MRPS9: variants seen among roughly 807,000 people sequenced by gnomAD.
MRPS9 encodes mitochondrial ribosomal protein S9.
In MRPS9, 45 loss-of-function variants were observed where a neutral mutation model predicts 59.9. The observed-to-expected ratio is 0.75, with a 90% CI of 0.59 to 0.96. MRPS9 has a LOEUF of 0.96. Among genes scored for constraint, MRPS9 ranks in the 40% least tolerant of loss-of-function variants. MRPS9 has a pLI of 0.00. For missense variants in MRPS9, 473 were observed against 481.1 expected, an observed-to-expected ratio of 0.98 and a Z score of 0.16; for synonymous variants, 171 against 166.8, an observed-to-expected ratio of 1.03 and a Z score of -0.19.
intron 4 of MRPS9, 121 bp from the exon 5 acceptor site, chr2:105,079,840 TATTAAAATTCTAAATGTTGGTG>T: frequency 2.1e-6 from 1 of 469,752 alleles, no homozygotes; most frequent in Non-Finnish European, 3.8e-6. Context: ...CTAAACTAAA[TATTAAAATTCTAAATGTTGGTG>T]ATTTTTTTGT....
intron 2 of MRPS9, among the ~76,000 whole-genome samples, chr2:105,066,237 C>T (rs1242973675): frequency 6.6e-6 from 1 of 152,114 alleles, no homozygotes; most frequent in Non-Finnish European, 1.5e-5. Flanking sequence ...ATCTTTTGCT[C>T]TGTGGACCTT....
chr2:105,099,830 A>G lies in MRPS9; in HGVS notation c.*69A>G. On this transcript the variant is annotated 3_prime_UTR_variant, in exon 11 of 11. Transcript: ENST00000258455. ...CCGACATGTGGCAGACACACAGTAA[A>G]TAATGGCTGACCAGCATGAGGGCAG... The G allele has an allele frequency of 7.0e-7, 1 of 1,429,214 alleles. No individual in the cohort carries two copies. Among genetic ancestry groups the G allele is most frequent in the East Asian group, 2.3e-5 (1 of 43,172 alleles). The allele number at this position is 1,429,214 out of a possible 1,614,324, so 88.5% of individuals were successfully genotyped here.
chr2:105,051,658 T>C (rs1350495283), intron 2 of MRPS9, among the ~76,000 whole-genome samples: 1 of 152,202 alleles, frequency 6.6e-6, no homozygotes, highest in Non-Finnish European at 1.5e-5. Flanking sequence ...AGTTAAGTCT[T>C]CTGATCTCTG....
At chr2:105,062,692 A>G (rs1260973652) in intron 2 of MRPS9, among the ~76,000 whole-genome samples, 4 of 152,236 alleles carry the variant, frequency 2.6e-5, no homozygotes, top group African/African-American at 9.6e-5. Context: ...GAGTTGCATG[A>G]TTAAAATTAA....
chr2:105,092,531 A>G lies in MRPS9; in HGVS notation c.782A>G (p.Gln261Arg), dbSNP rs373106870. 5.0e-6 allele frequency: 8 copies of G among 1,609,100 alleles called. No individual in the cohort carries two copies. Among genetic ancestry groups the G allele is most frequent in the African/African-American group, 1.3e-5 (1 of 74,800 alleles). Reference protein sequence around the residue: ...ESKKQLIEPVQYDEQGMAFSK... With the variant: ...ESKKQLIEPVRYDEQGMAFSK... Reference sequence around the variant, plus strand: ...AAAAAACAGCTGATTGAACCTGTACAGTATGATGAGCAAGGAATGGCCTTT... The same window carrying G: ...AAAAAACAGCTGATTGAACCTGTACGGTATGATGAGCAAGGAATGGCCTTT... Residue 261 changes from glutamine to arginine, a missense_variant, in exon 8 of 11, where the codon CAG (glutamine) becomes CGG (arginine). Coordinates refer to ENST00000258455, the MANE Select transcript of MRPS9 (RefSeq NM_182640.3).
chr2:105,049,343 A>T lies in MRPS9; in HGVS notation c.308A>T (p.Asp103Val), dbSNP rs536369726. Residue 103 changes from aspartate (D) to valine (V), a missense_variant, in exon 2 of 11, where the codon GAT (aspartate) becomes GTT (valine). Transcript: ENST00000258455. ...GEDPETFTQE[D>V]IDRAIAYLFP... ...GATCCAGAAACTTTCACTCAAGAAG[A>T]TATTGACGTAAGTACAGTTACTCTG... 2 of 1,609,710 alleles carry T rather than the reference A, an allele frequency of 1.2e-6. No homozygotes were observed. Among genetic ancestry groups the T allele is most frequent in the South Asian group, 2.2e-5 (2 of 90,110 alleles).
chr2:105,088,925 A>G, intron 5 of MRPS9, 59 bp from the exon 6 acceptor site: 1 of 1,162,750 alleles, frequency 8.6e-7, no homozygotes, highest in Non-Finnish European at 1.2e-6. Context: ...ATATATCAGA[A>G]GTTATAATGT....
intron 2 of MRPS9, among the ~76,000 whole-genome samples, chr2:105,059,360 G>A (rs1463055643): frequency 6.6e-6 from 1 of 152,140 alleles, no homozygotes; most frequent in African/African-American, 2.4e-5. Context: ...TAGTTGAGCT[G>A]TATGGACGTG....
intron 4 of MRPS9, among the ~76,000 whole-genome samples, chr2:105,076,885 G>T (rs779299084): frequency 1.5e-5 from 2 of 130,950 alleles, no homozygotes; most frequent in South Asian, 5.3e-4. Flanking sequence ...ATGAGCAAAG[G>T]CAAATAAGCA....
At chr2:105,078,466 G>A (rs566282656) in intron 4 of MRPS9, among the ~76,000 whole-genome samples, 4 of 151,784 alleles carry the variant, frequency 2.6e-5, no homozygotes, top group African/African-American at 4.8e-5. Flanking sequence ...ACTTTCTGAC[G>A]GACTAACCAT....
chr2:105,076,448 C>T (rs76435784), intron 4 of MRPS9, among the ~76,000 whole-genome samples: 6,016 of 152,262 alleles, frequency 0.04, 423 homozygotes, highest in African/African-American at 0.14. Flanking sequence ...GTTTTAAAAA[C>T]GCTGAATTCC....
At chr2:105,078,825 A>G (rs1279101057) in intron 4 of MRPS9, among the ~76,000 whole-genome samples, 1 of 152,216 alleles carries the variant, frequency 6.6e-6, no homozygotes, top group Non-Finnish European at 1.5e-5. Flanking sequence ...GATAGATTAA[A>G]TATTTGAACA....
chr2:105,079,636 G>A (rs892060884), intron 4 of MRPS9, among the ~76,000 whole-genome samples: 4 of 151,988 alleles, frequency 2.6e-5, no homozygotes, highest in African/African-American at 9.7e-5. Context: ...AATATGGGAG[G>A]GAGTTATGTT....
intron 5 of MRPS9, among the ~76,000 whole-genome samples, chr2:105,084,502 A>G (rs536649721): frequency 1.3e-5 from 2 of 152,250 alleles, no homozygotes; most frequent in East Asian, 3.9e-4. Context: ...CCAGACTCTT[A>G]GCAGAAGTCC....
chr2:105,063,169 CT>C (rs1414915682), intron 2 of MRPS9, among the ~76,000 whole-genome samples: 1 of 152,186 alleles, frequency 6.6e-6, no homozygotes, highest in African/African-American at 2.4e-5. Context: ...CCTTGGGCGT[CT>C]GAGGCAGGAG....
chr2:105,047,743 T>C (rs1312394481), intron 1 of MRPS9, among the ~76,000 whole-genome samples: 1 of 152,030 alleles, frequency 6.6e-6, no homozygotes, highest in Non-Finnish European at 1.5e-5. Context: ...TGAAAACATT[T>C]TTCTCGTTTT....
intron 2 of MRPS9, among the ~76,000 whole-genome samples, chr2:105,056,432 T>C (rs1249754859): frequency 6.6e-6 from 1 of 152,190 alleles, no homozygotes; most frequent in African/African-American, 2.4e-5. Context: ...TCAGCTATGC[T>C]GTATTACTGA....
intron 9 of MRPS9, among the ~76,000 whole-genome samples, chr2:105,096,253 A>T (rs1680656533): frequency 6.6e-6 from 1 of 152,136 alleles, no homozygotes; most frequent in Non-Finnish European, 1.5e-5. Flanking sequence ...CTCTCAGCTT[A>T]ACTGTGTTAT....
At chr2:105,090,386 G>A (rs2104467827) in intron 7 of MRPS9, among the ~76,000 whole-genome samples, 1 of 152,358 alleles carries the variant, frequency 6.6e-6, no homozygotes, top group East Asian at 1.9e-4. Context: ...AAGGGATGCA[G>A]CACATGGTTA....
Sources: gnomAD v4.1 joint callset for allele counts (sites outside exome capture counted in the v4.1 genomes callset) on GRCh38, gnomAD v4.1.1 for gene constraint, MANE v1.5 for transcripts, NCBI Gene and HGNC (gene_info 2026-07-23, HGNC 2026-07-21) for gene names.